CREB5: variants seen among roughly 807,000 people sequenced by gnomAD.
CREB5 encodes cAMP responsive element binding protein 5.
CREB5 carries 19 observed loss-of-function variants against 57.1 expected under a neutral mutation model. That is an observed-to-expected ratio of 0.33 (90% CI 0.23 to 0.49). The LOEUF (loss-of-function observed/expected upper bound fraction) is 0.49, where lower values mean the gene tolerates loss of function less well. CREB5 is among the 20% of genes least tolerant of loss of function. The pLI is 0.99. For missense variants in CREB5, 579 were observed against 671.6 expected, an observed-to-expected ratio of 0.86 and a Z score of 1.52; for synonymous variants, 238 against 238.3, an observed-to-expected ratio of 1.00 and a Z score of 0.01.
At chr7:28,457,603 T>C (rs1790160045) in intron 1 of CREB5, among the ~76,000 whole-genome samples, 1 of 152,344 alleles carries the variant, frequency 6.6e-6, no homozygotes, top group South Asian at 2.1e-4. Flanking sequence ...TTGGATTTTA[T>C]GTTGATGTGC....
chr7:28,551,695 G>A (rs983534410), intron 4 of CREB5, among the ~76,000 whole-genome samples: 5 of 152,080 alleles, frequency 3.3e-5, no homozygotes, highest in African/African-American at 1.2e-4. Flanking sequence ...TTGGTGAGTC[G>A]GGAGGGGACA....
At chr7:28,752,355 T>G (rs1583669393) in intron 7 of CREB5, among the ~76,000 whole-genome samples, 1 of 152,112 alleles carries the variant, frequency 6.6e-6, no homozygotes, top group Non-Finnish European at 1.5e-5. Flanking sequence ...TTAGTAGAGA[T>G]GGGGTTTCAC....
intron 1 of CREB5, among the ~76,000 whole-genome samples, chr7:28,444,506 A>C (rs1303836285): frequency 1.3e-5 from 2 of 152,196 alleles, no homozygotes; most frequent in East Asian, 1.9e-4. Flanking sequence ...AAACAAAGTG[A>C]AAATTAGCTG....
intron 4 of CREB5, among the ~76,000 whole-genome samples, chr7:28,527,014 G>A (rs924023971): frequency 1.3e-5 from 2 of 152,172 alleles, no homozygotes; most frequent in African/African-American, 4.8e-5. Context: ...TAAACCAAGG[G>A]TGGGTGGCAG....
At chr7:28,694,262 G>A (rs1409009600) in intron 5 of CREB5, among the ~76,000 whole-genome samples, 1 of 152,150 alleles carries the variant, frequency 6.6e-6, no homozygotes, top group Non-Finnish European at 1.5e-5. Context: ...AACCCATTTA[G>A]TGTAAATGTA....
At chr7:28,659,185 A>G (rs1454156536) in intron 5 of CREB5, among the ~76,000 whole-genome samples, 1 of 151,832 alleles carries the variant, frequency 6.6e-6, no homozygotes. Flanking sequence ...TTTATTAGGG[A>G]TGCCTGAGTA....
chr7:28,316,929 C>A (rs1017346362), intron 1 of CREB5, among the ~76,000 whole-genome samples: 1 of 151,678 alleles, frequency 6.6e-6, no homozygotes, highest in African/African-American at 2.4e-5. Context: ...GTTGAAAGAG[C>A]AGATACACTG....
At chr7:28,699,702 C>G (rs1583572594) in intron 5 of CREB5, among the ~76,000 whole-genome samples, 1 of 152,108 alleles carries the variant, frequency 6.6e-6, no homozygotes, top group Non-Finnish European at 1.5e-5. Context: ...TTGGAAAAGG[C>G]TTTTTAGAAA....
chr7:28,630,039 C>T (rs531360940), intron 5 of CREB5, among the ~76,000 whole-genome samples: 1 of 152,330 alleles, frequency 6.6e-6, no homozygotes, highest in Admixed American at 6.5e-5. Context: ...GGCTACCCAC[C>T]TTCTGCCCCA....
chr7:28,608,094 G>GTCTCTC (rs149947396), intron 5 of CREB5, among the ~76,000 whole-genome samples: 23 of 76,756 alleles, frequency 3.0e-4, no homozygotes, highest in African/African-American at 1.0e-3. Context: ...CTCTCTCTCT[G>GTCTCTC]TCTCTCTCTC....
At chr7:28,568,474 A>T (rs1474518002) in intron 4 of CREB5, among the ~76,000 whole-genome samples, 1 of 152,236 alleles carries the variant, frequency 6.6e-6, no homozygotes, top group Non-Finnish European at 1.5e-5. Context: ...TTTCAAAAGA[A>T]ATAACACAAA....
chr7:28,527,571 C>T (rs1189818155), intron 4 of CREB5, among the ~76,000 whole-genome samples: 1 of 152,160 alleles, frequency 6.6e-6, no homozygotes, highest in Non-Finnish European at 1.5e-5. Flanking sequence ...AATCCCAGTG[C>T]TGTGAGAGGC....
chr7:28,627,426 C>G (rs1478911011), intron 5 of CREB5, among the ~76,000 whole-genome samples: 2 of 152,224 alleles, frequency 1.3e-5, no homozygotes, highest in African/African-American at 4.8e-5. Flanking sequence ...GGCCCATCCC[C>G]AGAAGGTTTG....
At chr7:28,327,283 A>G (rs1051107265) in intron 1 of CREB5, among the ~76,000 whole-genome samples, 3 of 152,120 alleles carry the variant, frequency 2.0e-5, no homozygotes, top group African/African-American at 7.2e-5. Context: ...CATATTCAAG[A>G]GTTGTAAATT....
chr7:28,751,661 T>C (rs1322384327), intron 7 of CREB5, among the ~76,000 whole-genome samples: 2 of 152,180 alleles, frequency 1.3e-5, no homozygotes, highest in Non-Finnish European at 2.9e-5. Flanking sequence ...TGGTACAGAG[T>C]TCCGATACAC....
At chr7:28,455,357 G>T (rs56111572) in intron 1 of CREB5, among the ~76,000 whole-genome samples, 1 of 152,156 alleles carries the variant, frequency 6.6e-6, no homozygotes, top group Non-Finnish European at 1.5e-5. Flanking sequence ...CAAGGGTGAA[G>T]GTGGGAGGCT....
At chr7:28,554,751 G>T (rs561827895) in intron 4 of CREB5, among the ~76,000 whole-genome samples, 1 of 152,314 alleles carries the variant, frequency 6.6e-6, no homozygotes, top group East Asian at 1.9e-4. Context: ...TGGAGGCCCG[G>T]AGGGCGTTTC....
At chr7:28,810,841 G>A (rs1809073493) in intron 9 of CREB5, among the ~76,000 whole-genome samples, 1 of 152,194 alleles carries the variant, frequency 6.6e-6, no homozygotes, top group African/African-American at 2.4e-5. Context: ...ATTAAATGGA[G>A]ATGGCTTGGG....
At chr7:28,541,813 T>G (rs1379552755) in intron 4 of CREB5, among the ~76,000 whole-genome samples, 1 of 152,242 alleles carries the variant, frequency 6.6e-6, no homozygotes, top group African/African-American at 2.4e-5. Context: ...ATTCAACTTT[T>G]TACTTAACCA....
Sources: allele counts gnomAD v4.1 joint callset (sites outside exome capture counted in the v4.1 genomes callset), GRCh38; gene constraint gnomAD v4.1.1; transcripts MANE v1.5; gene names NCBI Gene and HGNC (gene_info 2026-07-23, HGNC 2026-07-21).